Variants in PTPRN2 observed in about 807,000 individuals in gnomAD.
PTPRN2 encodes the protein receptor-type tyrosine-protein phosphatase N2.
In PTPRN2, 74 loss-of-function variants were observed where a neutral mutation model predicts 118.8. The observed-to-expected ratio is 0.62, with a 90% CI of 0.52 to 0.76. The LOEUF is 0.76. Among genes scored for constraint, PTPRN2 ranks in the 30% least tolerant of loss-of-function variants. The probability of loss-of-function intolerance (pLI) is 0.00; values close to 1 mark genes in which losing one functional copy is unlikely to be tolerated. For missense variants in PTPRN2, 1,481 were observed against 1,394.4 expected, an observed-to-expected ratio of 1.06 and a Z score of -0.99; for synonymous variants, 641 against 608.0, an observed-to-expected ratio of 1.05 and a Z score of -0.80.
At chr7:158,379,902 T>G (rs561630535) in intron 2 of PTPRN2, among the ~76,000 whole-genome samples, 2 of 152,200 alleles carry the variant, frequency 1.3e-5, no homozygotes, top group South Asian at 4.1e-4. Context: ...AGGAGCAAAG[T>G]CACATCTCAC....
intron 6 of PTPRN2, among the ~76,000 whole-genome samples, chr7:158,146,698 G>A (rs1197178741): frequency 4.1e-5 from 6 of 146,254 alleles, no homozygotes; most frequent in Non-Finnish European, 6.0e-5. Flanking sequence ...TCCAGCCTGG[G>A]CGACAGAGCG....
intron 10 of PTPRN2, among the ~76,000 whole-genome samples, chr7:158,097,929 T>G (rs1035833499): frequency 2.0e-5 from 3 of 152,092 alleles, no homozygotes; most frequent in Non-Finnish European, 4.4e-5. Flanking sequence ...CCCGGAACAA[T>G]GAGCAGCTCC....
At chr7:158,221,459 T>C (rs1487258677) in intron 3 of PTPRN2, among the ~76,000 whole-genome samples, 1 of 152,144 alleles carries the variant, frequency 6.6e-6, no homozygotes, top group Non-Finnish European at 1.5e-5. Context: ...ATTTGCAAAC[T>C]ATGCATCTGC....
At chr7:157,684,708 G>T (rs1585234475) in intron 12 of PTPRN2, among the ~76,000 whole-genome samples, 2 of 151,396 alleles carry the variant, frequency 1.3e-5, no homozygotes, top group South Asian at 4.2e-4. Context: ...GGTCTCCTGC[G>T]CGCCCCTCCC....
chr7:158,266,868 C>T (rs1207663627), intron 3 of PTPRN2, among the ~76,000 whole-genome samples: 1 of 152,230 alleles, frequency 6.6e-6, no homozygotes, highest in African/African-American at 2.4e-5. Context: ...GGAAAGTGGG[C>T]TCCAGTGGCC....
At position 157,547,121 on chromosome 7, in the gene PTPRN2, C is replaced by A. The variant is rs557767781; in HGVS notation, c.2976+1825G>T. On this transcript the variant is annotated intron_variant, in intron 22 of 22. Transcript: ENST00000389418. Reference sequence around the variant, plus strand: ...GGCAGGCAGAGGTGTGGGGAGGAAACTACTTTGAATTTAGATTTCCTGGGG... The same window carrying A: ...GGCAGGCAGAGGTGTGGGGAGGAAAATACTTTGAATTTAGATTTCCTGGGG... Among the ~76,000 whole-genome samples, 137 of 152,292 alleles carry A rather than the reference C, an allele frequency of 9.0e-4. 1 individual carries two copies. The highest frequency in any genetic ancestry group is 2.9e-3 in the African/African-American group (122 of 41,580).
rs1803301638 is a variant in PTPRN2, at chr7:157,622,289, G to A, written c.2197-780C>T. ...CTTGTGGATTTGCAAGGTACTGTGTGTCATGTGTAGACACAGGTTCCAAGT... is the reference window on the plus strand; with the variant it reads ...CTTGTGGATTTGCAAGGTACTGTGTATCATGTGTAGACACAGGTTCCAAGT... On this transcript the variant is annotated intron_variant, in intron 14 of 22. Coordinates refer to ENST00000389418, the MANE Select transcript of PTPRN2 (RefSeq NM_002847.5). This position sits in a 1 kb window ranked among gnomAD's most constrained non-coding sequence, Gnocchi z 5.3. 6.6e-6 allele frequency among the ~76,000 whole-genome samples: 1 copy of A among 152,024 alleles called. No individual in the cohort carries two copies. Among genetic ancestry groups the A allele is most frequent in the Admixed American group, 6.5e-5 (1 of 15,276 alleles).
chr7:158,572,355 C>G (rs1313454720), intron 1 of PTPRN2, among the ~76,000 whole-genome samples: 1 of 152,210 alleles, frequency 6.6e-6, no homozygotes, highest in African/African-American at 2.4e-5. Flanking sequence ...ACTTAAGGCT[C>G]TAGTTATGCT....
chr7:158,238,497 C>T (rs1422039892), intron 3 of PTPRN2, among the ~76,000 whole-genome samples: 4 of 152,170 alleles, frequency 2.6e-5, no homozygotes, highest in African/African-American at 9.7e-5. Context: ...CCCTCTTAAT[C>T]CAGCCACATT....
intron 12 of PTPRN2, among the ~76,000 whole-genome samples, chr7:157,747,689 C>G (rs1304610410): frequency 5.3e-5 from 7 of 131,948 alleles, no homozygotes; most frequent in Non-Finnish European, 1.1e-4. Flanking sequence ...TGAGGTGATT[C>G]TGAGGCCTGC....
At chr7:157,574,803 C>T (rs1401735826) in intron 19 of PTPRN2, among the ~76,000 whole-genome samples, 3 of 152,306 alleles carry the variant, frequency 2.0e-5, no homozygotes, top group East Asian at 3.9e-4. Flanking sequence ...AACCAGCCAC[C>T]GGCAATGCTT....
intron 12 of PTPRN2, among the ~76,000 whole-genome samples, chr7:157,862,345 C>T (rs189088281): frequency 5.9e-5 from 9 of 152,360 alleles, no homozygotes; most frequent in African/African-American, 2.2e-4. Context: ...TTAGGAAGTT[C>T]CCTGACAGAC....
chr7:158,336,995 TCA>T, intron 2 of PTPRN2, among the ~76,000 whole-genome samples: 1 of 73,740 alleles, frequency 1.4e-5, no homozygotes, highest in East Asian at 4.2e-4. Flanking sequence ...CAGACGTCAC[TCA>T]CACCCACACT....
At position 158,229,097 on chromosome 7, in the gene PTPRN2, G is replaced by T. The variant is rs1829005107; in HGVS notation, c.278-23824C>A. Among the ~76,000 whole-genome samples, 4 of 151,818 alleles carry T rather than the reference G, an allele frequency of 2.6e-5. 1 individual carries two copies. Among genetic ancestry groups the T allele is most frequent in the Admixed American group, 2.6e-4 (4 of 15,234 alleles). ...TTGAGACCTCTCCCATTCAGTACAG[G>T]CAGCACTCAGATCTTTAACCTTCAG... is the stretch of plus-strand genomic sequence containing the variant. On this transcript the variant is annotated intron_variant, in intron 3 of 22. Transcript: ENST00000389418.
At position 158,299,300 on chromosome 7, in the gene PTPRN2, ATT is replaced by A. The variant is rs35390191; in HGVS notation, c.277+17517_277+17518del. Among the ~76,000 whole-genome samples, 12 of 144,172 alleles carry A rather than the reference ATT, an allele frequency of 8.3e-5. 1 individual carries two copies. In the South Asian group the frequency reaches 1.8e-3, roughly 22 times the overall value. 94.6% of individuals were successfully genotyped at this position (144,172 alleles called of 152,430 possible). A position where few individuals can be genotyped will look rare whatever the true frequency, so the allele number is the denominator to read the frequency against. On this transcript the variant is annotated intron_variant, in intron 3 of 22. Transcript: ENST00000389418. ...ATGCACGCAGGGCTCTCAGGAAGCAATTTTTTTTTTTTTTTGAGATGGAGTCT... is the reference window on the plus strand; with the variant it reads ...ATGCACGCAGGGCTCTCAGGAAGCAATTTTTTTTTTTTTGAGATGGAGTCT...
Position 158,372,459 on chromosome 7 carries a change from TGGAGCTGATCC to T in PTPRN2, c.164-55538_164-55528del, listed in dbSNP as rs1563213485. The stretch of plus-strand genomic sequence containing the variant: ...AGCTGGTCCCCCCAATGCTGGTCCC[TGGAGCTGATCC>T]CCCCAATGCTGGTCCCCAGAGCTGG... On this transcript the variant is annotated intron_variant, in intron 2 of 22. Transcript: ENST00000389418. 1.3e-3 allele frequency among the ~76,000 whole-genome samples: 125 copies of T among 98,350 alleles called. 2 individuals are homozygous for T. The highest frequency in any genetic ancestry group is 4.9e-3 in the African/African-American group (119 of 24,304). 64.5% of individuals were successfully genotyped at this position (98,350 alleles called of 152,430 possible).
intron 4 of PTPRN2, among the ~76,000 whole-genome samples, chr7:158,198,113 G>C (rs1826352839): frequency 6.6e-6 from 1 of 152,044 alleles, no homozygotes; most frequent in Non-Finnish European, 1.5e-5. Flanking sequence ...CTGGTATTTT[G>C]TCTACTTTTC....
chr7:158,468,962 G>A (rs59807595), intron 2 of PTPRN2, among the ~76,000 whole-genome samples: 42 of 58,346 alleles, frequency 7.2e-4, no homozygotes, highest in East Asian at 1.6e-3. Context: ...CACACACTCC[G>A]GGTGGATCAA....
chr7:158,333,884 C>T (rs1224105181), intron 2 of PTPRN2, among the ~76,000 whole-genome samples: 2 of 148,166 alleles, frequency 1.3e-5, no homozygotes, highest in African/African-American at 5.0e-5. Context: ...CACACTCTCA[C>T]CATAAGAGCT....
Sources: gnomAD v4.1 joint callset for allele counts (sites outside exome capture counted in the v4.1 genomes callset) on GRCh38, gnomAD v4.1.1 for gene constraint, Gnocchi (gnomAD v3.1) non-coding constraint, MANE v1.5 for transcripts, NCBI Gene and HGNC (gene_info 2026-07-23, HGNC 2026-07-21) for gene names.